The following MTCL2 variants were observed in gnomAD, a reference collection of about 807,000 sequenced individuals.
MTCL2 encodes microtubule crosslinking factor 2, also known as microtubule cross-linking factor 2.
the MTCL2 span, chr20:36,815,276 C>T: frequency 6.2e-7 from 1 of 1,613,914 alleles, no homozygotes; most frequent in African/African-American, 1.3e-5. This position sits in a 1 kb window ranked among gnomAD's most constrained non-coding sequence, Gnocchi z 5.3. Flanking sequence ...CATTCAGCTC[C>T]TGCTGCAGCA....
At chr20:36,808,140 G>A in the MTCL2 span, among the ~76,000 whole-genome samples, 1 of 151,454 alleles carries the variant, frequency 6.6e-6, no homozygotes, top group South Asian at 2.1e-4. Flanking sequence ...CTCCCAAAGT[G>A]CTGGGATTAC....
At chr20:36,797,174 C>T in the MTCL2 span, among the ~76,000 whole-genome samples, 1 of 152,136 alleles carries the variant, frequency 6.6e-6, no homozygotes, top group Non-Finnish European at 1.5e-5. Flanking sequence ...GAGTGACCCA[C>T]CCAAGGAAAG....
At chr20:36,835,378 C>G in the MTCL2 span, among the ~76,000 whole-genome samples, 1 of 151,936 alleles carries the variant, frequency 6.6e-6, no homozygotes, top group Non-Finnish European at 1.5e-5. Flanking sequence ...CCCCTCTGCT[C>G]CATAAAACCA....
At chr20:36,808,516 G>A in the MTCL2 span, 27 of 1,590,392 alleles carry the variant, frequency 1.7e-5, no homozygotes, top group African/African-American at 1.5e-4. Context: ...ATCTTACCTC[G>A]AGGAAGTCAT....
At chr20:36,794,703 G>A in the MTCL2 span, 2 of 1,445,674 alleles carry the variant, frequency 1.4e-6, no homozygotes, top group Admixed American at 1.8e-5. This position sits in a 1 kb window ranked among gnomAD's most constrained non-coding sequence, Gnocchi z 5.4. Flanking sequence ...GCAAAGACCA[G>A]GACCGTCTTG....
At chr20:36,816,432 C>G in the MTCL2 span, 1 of 823,046 alleles carries the variant, frequency 1.2e-6, no homozygotes, top group Non-Finnish European at 1.9e-6. Flanking sequence ...GCCAGACCCT[C>G]AAGGAGCTAA....
At chr20:36,785,106 C>A in the MTCL2 span, 1 of 985,420 alleles carries the variant, frequency 1.0e-6, no homozygotes, top group Non-Finnish European at 1.2e-6. Context: ...ACCGCTGGGG[C>A]TGGCCAAGTA....
the MTCL2 span, among the ~76,000 whole-genome samples, chr20:36,835,109 GA>G: frequency 7.2e-5 from 11 of 152,288 alleles, no homozygotes; most frequent in African/African-American, 2.6e-4. Context: ...CCTCTAGAGG[GA>G]GGGACTCATT....
At chr20:36,808,052 T>C in the MTCL2 span, among the ~76,000 whole-genome samples, 2 of 150,348 alleles carry the variant, frequency 1.3e-5, no homozygotes, top group Admixed American at 6.6e-5. Context: ...ATTTTTTGTA[T>C]TTTTAGTAGA....
the MTCL2 span, among the ~76,000 whole-genome samples, chr20:36,833,025 G>A: frequency 1.3e-5 from 2 of 152,210 alleles, no homozygotes; most frequent in East Asian, 1.9e-4. Flanking sequence ...TTTTCATCCC[G>A]TTGGGAAGCA....
At chr20:36,826,437 G>A in the MTCL2 span, among the ~76,000 whole-genome samples, 1 of 145,268 alleles carries the variant, frequency 6.9e-6, no homozygotes, top group African/African-American at 2.6e-5. Flanking sequence ...GAGTCCAGTG[G>A]CACCATCATA....
the MTCL2 span, among the ~76,000 whole-genome samples, chr20:36,822,336 C>T: frequency 6.6e-6 from 1 of 152,268 alleles, no homozygotes; most frequent in Non-Finnish European, 1.5e-5. Context: ...GCCTAGGCCC[C>T]AGCAGGAATG....
chr20:36,785,249 C>T, the MTCL2 span: 4 of 985,406 alleles, frequency 4.1e-6, 1 homozygote, highest in African/African-American at 7.0e-5. Flanking sequence ...TGCCAAGCGG[C>T]CTCGTCCACC....
At chr20:36,808,127 G>A in the MTCL2 span, among the ~76,000 whole-genome samples, 5 of 150,960 alleles carry the variant, frequency 3.3e-5, no homozygotes, top group Admixed American at 1.3e-4. Flanking sequence ...CACCCGCCTC[G>A]GCCTCCCAAA....
the MTCL2 span, among the ~76,000 whole-genome samples, chr20:36,851,483 T>C: frequency 3.3e-5 from 5 of 152,170 alleles, no homozygotes; most frequent in African/African-American, 9.7e-5. Flanking sequence ...ACTTGGGTCG[T>C]AGGCAACCAG....
the MTCL2 span, among the ~76,000 whole-genome samples, chr20:36,841,877 GT>G: frequency 0.034 from 2,433 of 71,734 alleles, 54 homozygotes; most frequent in Middle Eastern, 0.073. Flanking sequence ...GGGGTGGGGT[GT>G]GTGTGTGTGT....
the MTCL2 span, among the ~76,000 whole-genome samples, chr20:36,822,052 G>A: frequency 6.6e-6 from 1 of 152,248 alleles, no homozygotes; most frequent in East Asian, 1.9e-4. Flanking sequence ...TTTTCTGGTA[G>A]GACCTGACAC....
the MTCL2 span, among the ~76,000 whole-genome samples, chr20:36,845,998 T>C: frequency 6.6e-6 from 1 of 152,076 alleles, no homozygotes; most frequent in East Asian, 1.9e-4. Flanking sequence ...GTAGGCCTCG[T>C]GGCTATGGAA....
the MTCL2 span, chr20:36,863,413 G>C: frequency 9.1e-7 from 1 of 1,094,454 alleles, no homozygotes; most frequent in Non-Finnish European, 1.1e-6. The surrounding 1 kb of genome is among the most constrained non-coding windows in gnomAD (Gnocchi z 6.2). Flanking sequence ...CGTCCCTGGG[G>C]AGGGACCCGG....
Sources: allele counts gnomAD v4.1 joint callset (sites outside exome capture counted in the v4.1 genomes callset), GRCh38; gene constraint gnomAD v4.1.1; non-coding constraint Gnocchi (gnomAD v3.1); transcripts MANE v1.5; gene names NCBI Gene and HGNC (gene_info 2026-07-23, HGNC 2026-07-21).